The following NPAS3 variants were observed in gnomAD, a reference collection of about 807,000 sequenced individuals.
NPAS3 encodes the protein neuronal PAS domain-containing protein 3.
A neutral mutation model predicts 73.1 loss-of-function variants in NPAS3; 14 were observed. That is an observed-to-expected ratio of 0.19 (90% CI 0.13 to 0.30). The LOEUF is 0.30. NPAS3 is among the 10% of genes least tolerant of loss of function. The pLI, the probability that NPAS3 is intolerant of heterozygous loss-of-function variation, is 1.00. For synonymous variants in NPAS3, 620 were observed against 541.5 expected (o/e 1.14, Z -2.01); for missense variants, 1,096 against 1,250.0 (o/e 0.88, Z 1.86).
At chr14:33,082,674 T>A (rs952532471) in intron 2 of NPAS3, among the ~76,000 whole-genome samples, 1 of 152,180 alleles carries the variant, frequency 6.6e-6, no homozygotes, top group Non-Finnish European at 1.5e-5. Context: ...AAGCAGTGGT[T>A]ATAAACACCA....
At chr14:33,162,012 G>A (rs1056530825) in intron 2 of NPAS3, among the ~76,000 whole-genome samples, 1 of 152,194 alleles carries the variant, frequency 6.6e-6, no homozygotes. Flanking sequence ...CAGGGATGGG[G>A]CATAGAGTCC....
At chr14:33,701,233 G>T (rs187923251) in intron 6 of NPAS3, among the ~76,000 whole-genome samples, 1 of 152,330 alleles carries the variant, frequency 6.6e-6, no homozygotes, top group Non-Finnish European at 1.5e-5. Flanking sequence ...AACCCTGTGA[G>T]GTTAGGACTG....
chr14:33,743,982 T>C (rs2061720136), intron 7 of NPAS3, among the ~76,000 whole-genome samples: 1 of 152,264 alleles, frequency 6.6e-6, no homozygotes, highest in African/African-American at 2.4e-5. Flanking sequence ...TTTGGCATTA[T>C]GGCTGGTTTG....
At chr14:32,980,780 G>A (rs1056559436) in intron 1 of NPAS3, among the ~76,000 whole-genome samples, 1 of 152,034 alleles carries the variant, frequency 6.6e-6, no homozygotes, top group Non-Finnish European at 1.5e-5. Flanking sequence ...CGGAACATTG[G>A]TTTCTATAAC....
chr14:33,670,115 G>A lies in NPAS3; in HGVS notation c.559-6096G>A, dbSNP rs993263571. Among the ~76,000 whole-genome samples the A allele has an allele frequency of 3.9e-5, 6 of 152,212 alleles. No individual in the cohort carries two copies. In the South Asian group the frequency reaches 6.2e-4, roughly 16 times the overall value. ...CTCCCGGAGTGATAGAAAAATGTACGTACAACAAAAAACGTACTTAATGGA... is the reference window on the plus strand; with the variant it reads ...CTCCCGGAGTGATAGAAAAATGTACATACAACAAAAAACGTACTTAATGGA... On this transcript the variant is annotated intron_variant, in intron 5 of 11. Transcript: ENST00000356141.
At chr14:33,444,964 C>T (rs1182712121) in intron 4 of NPAS3, among the ~76,000 whole-genome samples, 2 of 152,248 alleles carry the variant, frequency 1.3e-5, no homozygotes, top group Non-Finnish European at 2.9e-5. Flanking sequence ...TTCTTATCCA[C>T]CATGCTATGA....
At chr14:33,137,204 T>C (rs375763666) in intron 2 of NPAS3, among the ~76,000 whole-genome samples, 2 of 152,188 alleles carry the variant, frequency 1.3e-5, no homozygotes, top group African/African-American at 4.8e-5. Flanking sequence ...TGAATTAACA[T>C]GAGGACATTA....
chr14:33,110,039 C>T (rs1257779534), intron 2 of NPAS3, among the ~76,000 whole-genome samples: 1 of 151,808 alleles, frequency 6.6e-6, no homozygotes, highest in Non-Finnish European at 1.5e-5. Flanking sequence ...ATTTCTGTGT[C>T]CTGGCCGAGA....
chr14:33,484,770 G>A (rs1278927306), intron 4 of NPAS3, among the ~76,000 whole-genome samples: 4 of 152,070 alleles, frequency 2.6e-5, no homozygotes, highest in Admixed American at 2.0e-4. Context: ...TCTACTGATC[G>A]GCCAGCCTGG....
chr14:33,454,909 C>T (rs778878444), intron 4 of NPAS3, among the ~76,000 whole-genome samples: 2 of 152,106 alleles, frequency 1.3e-5, no homozygotes, highest in Non-Finnish European at 2.9e-5. Flanking sequence ...GCAGCGTGCC[C>T]CCGGCTGAGT....
At chr14:33,724,818 C>A (rs2061218784) in intron 6 of NPAS3, among the ~76,000 whole-genome samples, 2 of 151,446 alleles carry the variant, frequency 1.3e-5, no homozygotes, top group Admixed American at 6.6e-5. Context: ...GATAGACATG[C>A]AAACTGGTAC....
intron 3 of NPAS3, among the ~76,000 whole-genome samples, chr14:33,258,965 C>A (rs2048875157): frequency 1.3e-5 from 2 of 152,186 alleles, no homozygotes; most frequent in South Asian, 4.1e-4. Context: ...AGGCGCCCGC[C>A]ACCATGCCCA....
At chr14:32,941,351 C>CCTTCCTTCCTTT (rs1204757085) in intron 1 of NPAS3, among the ~76,000 whole-genome samples, 3 of 127,938 alleles carry the variant, frequency 2.3e-5, no homozygotes, top group Non-Finnish European at 4.9e-5. Context: ...TTCCTTCCTT[C>CCTTCCTTCCTTT]TTCCCAGTTC....
intron 1 of NPAS3, among the ~76,000 whole-genome samples, chr14:33,014,090 T>C (rs889831113): frequency 1.3e-5 from 2 of 152,180 alleles, no homozygotes; most frequent in African/African-American, 4.8e-5. Context: ...TTACTTCCCA[T>C]AAGGTATTAC....
chr14:33,369,705 A>G (rs1321575811), intron 4 of NPAS3, among the ~76,000 whole-genome samples: 1 of 152,142 alleles, frequency 6.6e-6, no homozygotes, highest in Admixed American at 6.6e-5. Context: ...ATGGTTATGG[A>G]GTGGAAGAAC....
chr14:33,558,161 T>C lies in NPAS3; in HGVS notation c.469-1960T>C, dbSNP rs149822659. ...TTAGTGGAACAATATAATGTGACTTTTGAATTGTTTTCAGAACCCAAGAAA... is the reference window on the plus strand; with the variant it reads ...TTAGTGGAACAATATAATGTGACTTCTGAATTGTTTTCAGAACCCAAGAAA... On this transcript the variant is annotated intron_variant, in intron 4 of 11. Coordinates refer to ENST00000356141, the Ensembl canonical transcript of NPAS3. Among the ~76,000 whole-genome samples, 6 of 152,350 alleles carry C rather than the reference T, an allele frequency of 3.9e-5. No individual in the cohort carries two copies. In the East Asian group the frequency reaches 9.7e-4, roughly 25 times the overall value.
intron 5 of NPAS3, among the ~76,000 whole-genome samples, chr14:33,603,823 A>G (rs764972714): frequency 3.6e-4 from 55 of 152,142 alleles, no homozygotes; most frequent in Non-Finnish European, 6.9e-4. Flanking sequence ...GTCTGAACAA[A>G]ATTAATGGGA....
intron 9 of NPAS3, among the ~76,000 whole-genome samples, chr14:33,786,156 C>T (rs935196587): frequency 1.3e-5 from 2 of 152,174 alleles, no homozygotes; most frequent in Admixed American, 1.3e-4. Flanking sequence ...AAACATAAAA[C>T]CCAAAATCAG....
At chr14:32,975,280 C>G (rs1407994477) in intron 1 of NPAS3, among the ~76,000 whole-genome samples, 1 of 152,068 alleles carries the variant, frequency 6.6e-6, no homozygotes, top group Non-Finnish European at 1.5e-5. Flanking sequence ...TTTGTCTGCC[C>G]TTCTATTCCT....
Sources: gnomAD v4.1 joint callset for allele counts (sites outside exome capture counted in the v4.1 genomes callset) on GRCh38, gnomAD v4.1.1 for gene constraint, MANE v1.5 for transcripts, NCBI Gene and HGNC (gene_info 2026-07-23, HGNC 2026-07-21) for gene names.